Variants in GPC6 observed in about 807,000 individuals in gnomAD.
The protein encoded by GPC6 is glypican 6, also known as glypican-6.
GPC6 carries 14 observed loss-of-function variants against 55.2 expected under a neutral mutation model. That is an observed-to-expected ratio of 0.25 (90% CI 0.17 to 0.40). The LOEUF is 0.40. Among genes scored for constraint, GPC6 ranks in the 10% least tolerant of loss-of-function variants. GPC6 has a pLI of 1.00. For synonymous variants in GPC6, 278 were observed against 259.6 expected, an observed-to-expected ratio of 1.07 and a Z score of -0.68; for missense variants, 641 against 708.5, an observed-to-expected ratio of 0.90 and a Z score of 1.08.
intron 2 of GPC6, among the ~76,000 whole-genome samples, chr13:93,611,971 C>T (rs1466540878): frequency 2.6e-5 from 4 of 152,088 alleles, no homozygotes. Flanking sequence ...TTAAAGGTGA[C>T]ACATCATTGC....
At chr13:93,762,536 C>T (rs1170094997) in intron 2 of GPC6, among the ~76,000 whole-genome samples, 3 of 152,086 alleles carry the variant, frequency 2.0e-5, no homozygotes, top group African/African-American at 7.2e-5. Flanking sequence ...CCTGGAACAA[C>T]AGGCAGGTGA....
At chr13:94,136,732 T>C (rs918213416) in intron 4 of GPC6, among the ~76,000 whole-genome samples, 11 of 152,142 alleles carry the variant, frequency 7.2e-5, no homozygotes, top group African/African-American at 2.7e-4. Flanking sequence ...AGAAGAAGTT[T>C]GTTCTTTTTA....
chr13:93,565,338 A>G (rs1876044073), intron 2 of GPC6, among the ~76,000 whole-genome samples: 1 of 152,230 alleles, frequency 6.6e-6, no homozygotes, highest in Non-Finnish European at 1.5e-5. Flanking sequence ...CAAGGAAAAC[A>G]TAGAAAGAAA....
chr13:94,382,388 C>T (rs1566741445), intron 6 of GPC6, 26 bp from the exon 7 acceptor site: 2 of 1,613,824 alleles, frequency 1.2e-6, no homozygotes, highest in Non-Finnish European at 8.5e-7. Context: ...AGAATACTCA[C>T]TTGCTTTCCT....
At chr13:93,764,885 C>T (rs192791805) in intron 2 of GPC6, among the ~76,000 whole-genome samples, 15 of 152,244 alleles carry the variant, frequency 9.9e-5, no homozygotes, top group Middle Eastern at 3.4e-3. Context: ...CTACAAGCTC[C>T]GCCTCCTGGG....
At chr13:93,553,030 C>G (rs1447623512) in intron 2 of GPC6, among the ~76,000 whole-genome samples, 1 of 152,150 alleles carries the variant, frequency 6.6e-6, no homozygotes, top group African/African-American at 2.4e-5. Flanking sequence ...AACACAGTAG[C>G]TCAGTAGACT....
At chr13:94,288,928 A>T (rs1409684157) in intron 5 of GPC6, among the ~76,000 whole-genome samples, 2 of 113,910 alleles carry the variant, frequency 1.8e-5, no homozygotes, top group African/African-American at 8.8e-5. Context: ...ATATATAACA[A>T]ATATAGATAG....
At chr13:93,722,869 C>T (rs1362539763) in intron 2 of GPC6, among the ~76,000 whole-genome samples, 1 of 151,828 alleles carries the variant, frequency 6.6e-6, no homozygotes, top group Non-Finnish European at 1.5e-5. Context: ...GCCTGTCCCT[C>T]TTCCTGGGTG....
intron 1 of GPC6, among the ~76,000 whole-genome samples, chr13:93,248,772 G>T (rs999329558): frequency 6.6e-6 from 1 of 152,186 alleles, no homozygotes; most frequent in South Asian, 2.1e-4. Context: ...ACCTTCAACC[G>T]CATTTCAGCC....
chr13:93,319,739 T>A (rs574558377), intron 1 of GPC6, among the ~76,000 whole-genome samples: 52 of 152,058 alleles, frequency 3.4e-4, no homozygotes, highest in African/African-American at 1.1e-3. Flanking sequence ...ATTGCCAAAT[T>A]AATGAAAAAT....
chr13:94,116,613 T>A (rs984920295), intron 4 of GPC6, among the ~76,000 whole-genome samples: 1 of 152,102 alleles, frequency 6.6e-6, no homozygotes, highest in Non-Finnish European at 1.5e-5. Flanking sequence ...TCCCAGAAGA[T>A]AACTTTCCAT....
chr13:93,986,215 TTGACTTTCAAAG>T (rs772514392), intron 3 of GPC6, among the ~76,000 whole-genome samples: 6 of 152,210 alleles, frequency 3.9e-5, no homozygotes, highest in Non-Finnish European at 4.4e-5. Flanking sequence ...AACAACCTCT[TTGACTTTCAAAG>T]TTACTCACTC....
Position 94,398,490 on chromosome 13 carries a change from T to C in GPC6, c.1314T>C (p.Asp438=), listed in dbSNP as rs1445103793. 1 of 1,613,558 alleles carries C rather than the reference T, an allele frequency of 6.2e-7. No individual in the cohort carries two copies. The highest frequency in any genetic ancestry group is 8.5e-7 in the Non-Finnish European group (1 of 1,179,624). Residue 438 remains aspartate (D), a synonymous_variant, in exon 8 of 9, where the codon GAT becomes GAC. Coordinates refer to ENST00000377047, the MANE Select transcript of GPC6 (RefSeq NM_005708.5). ...KARYLPEIMN[D]GLTNQINNPE... ...GATACTTGCCTGAGATCATGAATGA[T>C]GGGCTCACCAACCAGATCAACAATC...
chr13:93,936,101 C>A (rs1254857819), intron 3 of GPC6, among the ~76,000 whole-genome samples: 16 of 152,012 alleles, frequency 1.1e-4, no homozygotes, highest in African/African-American at 3.6e-4. Context: ...ACATAAGAAC[C>A]AAAACATTGG....
chr13:94,298,509 G>A (rs1342886946), intron 5 of GPC6, among the ~76,000 whole-genome samples: 1 of 152,006 alleles, frequency 6.6e-6, no homozygotes. Flanking sequence ...CCACTTTGCA[G>A]TAAGCAGTGG....
intron 1 of GPC6, among the ~76,000 whole-genome samples, chr13:93,392,923 C>T (rs911901734): frequency 2.0e-5 from 3 of 151,948 alleles, no homozygotes; most frequent in African/African-American, 4.8e-5. Flanking sequence ...GTATTTTAAG[C>T]AAATATTGAT....
At chr13:94,132,393 A>G (rs557996423) in intron 4 of GPC6, among the ~76,000 whole-genome samples, 2 of 152,244 alleles carry the variant, frequency 1.3e-5, no homozygotes, top group East Asian at 3.9e-4. Flanking sequence ...TTTTGAATGT[A>G]TGCAAGTCTT....
At chr13:93,378,724 G>A (rs575017725) in intron 1 of GPC6, among the ~76,000 whole-genome samples, 2 of 152,162 alleles carry the variant, frequency 1.3e-5, no homozygotes, top group Admixed American at 1.3e-4. Context: ...AGCCGGGCGC[G>A]GTGGCTCACG....
chr13:93,288,114 A>G (rs1042791171), intron 1 of GPC6, among the ~76,000 whole-genome samples: 2 of 152,186 alleles, frequency 1.3e-5, no homozygotes, highest in East Asian at 1.9e-4. Context: ...TCATATTCCA[A>G]TCCTTTGAAA....
Sources: gnomAD v4.1 joint callset for allele counts (sites outside exome capture counted in the v4.1 genomes callset) on GRCh38, gnomAD v4.1.1 for gene constraint, MANE v1.5 for transcripts, NCBI Gene and HGNC (gene_info 2026-07-23, HGNC 2026-07-21) for gene names.